The following PTCD2 variants were observed in gnomAD, a reference collection of about 807,000 sequenced individuals.
PTCD2 encodes the protein pentatricopeptide repeat-containing protein 2, mitochondrial.
PTCD2 carries 31 observed loss-of-function variants against 42.6 expected under a neutral mutation model. The ratio of observed to expected loss-of-function variants is 0.73; its 90% CI spans 0.55 to 0.98. PTCD2 has a LOEUF of 0.98. Among genes scored for constraint, PTCD2 ranks in the 50% least tolerant of loss-of-function variants. The pLI is 0.00. For synonymous variants in PTCD2, 183 were observed against 170.9 expected, an observed-to-expected ratio of 1.07 and a Z score of -0.55; for missense variants, 476 against 454.8, an observed-to-expected ratio of 1.05 and a Z score of -0.42.
intron 8 of PTCD2, among the ~76,000 whole-genome samples, 188 bp downstream of exon 8, chr5:72,343,224 A>G (rs781167146): frequency 2.6e-5 from 4 of 152,196 alleles, no homozygotes; most frequent in Admixed American, 2.6e-4. Flanking sequence ...AAGAAGAGTC[A>G]ACACAGCTGT....
At chr5:72,357,447 C>T (rs959486744) in intron 9 of PTCD2, among the ~76,000 whole-genome samples, 1 of 152,194 alleles carries the variant, frequency 6.6e-6, no homozygotes, top group African/African-American at 2.4e-5. Flanking sequence ...GTGTGGGCCT[C>T]CAGAATAGTC....
At chr5:72,326,529 G>T in intron 2 of PTCD2, 83 bp from the exon 3 acceptor site, 1 of 1,493,336 alleles carries the variant, frequency 6.7e-7, no homozygotes. Flanking sequence ...AGCCGGGGTT[G>T]GGCTTCCCCA....
chr5:72,325,551 T>G (rs1751092784), intron 2 of PTCD2, among the ~76,000 whole-genome samples: 1 of 152,240 alleles, frequency 6.6e-6, no homozygotes, highest in African/African-American at 2.4e-5. Context: ...GCCCAGGTCC[T>G]TCCATCTCTA....
Position 72,353,080 on chromosome 5 carries a change from C to T in PTCD2, c.942+326C>T, listed in dbSNP as rs192452982. ...CCTCAAGCCTTCAATACCTTCTCCT[C>T]ACTTTTCACTCTCAGTTGATCACTG... On this transcript the variant is annotated intron_variant, in intron 9 of 9. Transcript: ENST00000380639. Among the ~76,000 whole-genome samples, 8 of 152,320 alleles carry T rather than the reference C, an allele frequency of 5.3e-5. No individual in the cohort carries two copies. The East Asian group carries it at 1.5e-3, about 29-fold the overall frequency.
In PTCD2 at chr5:72,364,768, C is replaced by T. The variant is rs1244293241; in HGVS notation, c.*6341C>T. The T allele has an allele frequency of 6.6e-6, 1 of 152,124 alleles. No individual in the cohort carries two copies. The highest frequency in any genetic ancestry group is 2.1e-4 in the South Asian group (1 of 4,820). The allele number at this position is 152,124 out of a possible 1,614,324, so 9.4% of individuals were successfully genotyped here. On this transcript the variant is annotated 3_prime_UTR_variant, in exon 10 of 10. Coordinates refer to ENST00000380639, the MANE Select transcript of PTCD2 (RefSeq NM_024754.5). ...TAGAATGACTTGCCTGTGCGGGGGT[C>T]CTGGGTTGGCCAGTGCATTCATGTA... is the stretch of plus-strand genomic sequence containing the variant.
In PTCD2 at chr5:72,366,696, A is replaced by G. The variant is rs1753213532; in HGVS notation, c.*8269A>G. 2 of 152,214 alleles carry G rather than the reference A, an allele frequency of 1.3e-5. No homozygotes were observed. Among genetic ancestry groups the G allele is most frequent in the Admixed American group, 6.5e-5 (1 of 15,280 alleles). The allele number at this position is 152,214 out of a possible 1,614,324, so 9.4% of individuals were successfully genotyped here. A position where few individuals can be genotyped will look rare whatever the true frequency, so the allele number is the denominator to read the frequency against. On this transcript the variant is annotated 3_prime_UTR_variant, in exon 10 of 10. Transcript: ENST00000380639. Reference sequence around the variant, plus strand: ...ATAGACTTTAGGGAGTATATAGAATATTGCCTTCACGCAGGTTAAGAAATA... The same window carrying G: ...ATAGACTTTAGGGAGTATATAGAATGTTGCCTTCACGCAGGTTAAGAAATA...
intron 4 of PTCD2, among the ~76,000 whole-genome samples, chr5:72,334,160 C>G (rs1301095762): frequency 6.6e-6 from 1 of 152,194 alleles, no homozygotes; most frequent in Non-Finnish European, 1.5e-5. Context: ...GCCACCACAC[C>G]TGGCCAAATA....
chr5:72,342,746 A>C (rs575576983), intron 7 of PTCD2, among the ~76,000 whole-genome samples: 56 of 152,360 alleles, frequency 3.7e-4, no homozygotes, highest in African/African-American at 1.3e-3. Context: ...GCATCTTAAA[A>C]ACTGGACTCA....
At chr5:72,349,397 A>G (rs1752509569) in intron 8 of PTCD2, among the ~76,000 whole-genome samples, 1 of 152,228 alleles carries the variant, frequency 6.6e-6, no homozygotes, top group African/African-American at 2.4e-5. Context: ...CATACATGAA[A>G]GTGTCTATTA....
chr5:72,333,072 C>A (rs1202221659), intron 4 of PTCD2, among the ~76,000 whole-genome samples: 1 of 152,124 alleles, frequency 6.6e-6, no homozygotes, highest in Non-Finnish European at 1.5e-5. Flanking sequence ...AAATGCTTTT[C>A]CATTGGCTGG....
At chr5:72,328,589 C>T (rs1379086519) in intron 3 of PTCD2, among the ~76,000 whole-genome samples, 1 of 151,892 alleles carries the variant, frequency 6.6e-6, no homozygotes, top group East Asian at 1.9e-4. Context: ...CTGTTGCTCC[C>T]ATCTAAGAAA....
chr5:72,365,754 A>G lies in PTCD2; in HGVS notation c.*7327A>G, dbSNP rs1010233708. 1 of 152,222 alleles carries G rather than the reference A, an allele frequency of 6.6e-6. No homozygotes were observed. Among genetic ancestry groups the G allele is most frequent in the Non-Finnish European group, 1.5e-5 (1 of 68,046 alleles). 9.4% of individuals were successfully genotyped at this position (152,222 alleles called of 1,614,324 possible). A position where few individuals can be genotyped will look rare whatever the true frequency, so the allele number is the denominator to read the frequency against. On this transcript the variant is annotated 3_prime_UTR_variant, in exon 10 of 10. Transcript: ENST00000380639. ...TTTGGCCTAAAAAGCTTGTCATTAT[A>G]TAAAAAAGCTATAGAGAGCAGAGAA...
At chr5:72,344,590 C>T (rs745655765) in intron 8 of PTCD2, among the ~76,000 whole-genome samples, 1 of 152,084 alleles carries the variant, frequency 6.6e-6, no homozygotes, top group African/African-American at 2.4e-5. Flanking sequence ...CCCCTGGAAA[C>T]CCCCCAATTT....
rs1751883139 is a variant in PTCD2, at chr5:72,338,675, CA to C, written c.696del (p.Gly233GlufsTer15). On this transcript the variant is annotated frameshift_variant, in exon 7 of 10. Coordinates refer to ENST00000380639, the MANE Select transcript of PTCD2 (RefSeq NM_024754.5). LOFTEE classifies it high-confidence loss of function. ...CTTLREEALL[K>X]GEILSRRASC... ...CTACATTAAGAGAAGAAGCTCTACT[CA>C]AAGGAGAAATTCTCTCCAGGAGAGC... 1 of 1,613,120 alleles carries C rather than the reference CA, an allele frequency of 6.2e-7. No homozygotes were observed. Among genetic ancestry groups the C allele is most frequent in the East Asian group, 2.2e-5 (1 of 44,866 alleles).
chr5:72,344,146 G>A (rs751951102), intron 8 of PTCD2, among the ~76,000 whole-genome samples: 1 of 152,206 alleles, frequency 6.6e-6, no homozygotes, highest in African/African-American at 2.4e-5. Context: ...GGACAGGACT[G>A]TGGGGTTGGA....
chr5:72,337,639 T>C (rs1196887157), intron 6 of PTCD2, among the ~76,000 whole-genome samples: 1 of 151,948 alleles, frequency 6.6e-6, no homozygotes, highest in Admixed American at 6.5e-5. Context: ...CTACTAAAAA[T>C]ACAAAAATTA....
In PTCD2 at chr5:72,320,736, G is replaced by C; in HGVS notation, c.127+227G>C. ...CTGCTGGGGTATTGACCTTGGGGCT[G>C]TAGTGCTCCCTCAGATGGGGCGACG... On this transcript the variant is annotated intron_variant, in intron 1 of 9. Coordinates refer to ENST00000380639, the MANE Select transcript of PTCD2 (RefSeq NM_024754.5). 3 of 575,504 alleles carry C rather than the reference G, an allele frequency of 5.2e-6. 1 individual carries two copies. Among genetic ancestry groups the C allele is most frequent in the Non-Finnish European group, 3.1e-6 (1 of 327,462 alleles). 35.6% of individuals were successfully genotyped at this position (575,504 alleles called of 1,614,324 possible).
chr5:72,358,637 A>G lies in PTCD2; in HGVS notation c.*210A>G. 1 of 576,548 alleles carries G rather than the reference A, an allele frequency of 1.7e-6. No homozygotes were observed. Among genetic ancestry groups the G allele is most frequent in the Non-Finnish European group, 3.1e-6 (1 of 323,116 alleles). 35.7% of individuals were successfully genotyped at this position (576,548 alleles called of 1,614,324 possible). A position where few individuals can be genotyped will look rare whatever the true frequency, so the allele number is the denominator to read the frequency against. ...GTCTAGATGCAAGCTTGGCTCCCTC[A>G]GAAAGGCGCTTCCCTTTTGCATGGC... On this transcript the variant is annotated 3_prime_UTR_variant, in exon 10 of 10. Coordinates refer to ENST00000380639, the MANE Select transcript of PTCD2 (RefSeq NM_024754.5).
chr5:72,326,032 G>GTA (rs1751117731), intron 2 of PTCD2, among the ~76,000 whole-genome samples: 1 of 152,160 alleles, frequency 6.6e-6, no homozygotes, highest in Non-Finnish European at 1.5e-5. Context: ...CCATTACATA[G>GTA]TACTTTGGCA....
Sources: allele counts gnomAD v4.1 joint callset (sites outside exome capture counted in the v4.1 genomes callset), GRCh38; gene constraint gnomAD v4.1.1; transcripts MANE v1.5; gene names NCBI Gene and HGNC (gene_info 2026-07-23, HGNC 2026-07-21).